The following NFATC1 variants were observed in gnomAD, a reference collection of about 807,000 sequenced individuals.
NFATC1 encodes the protein nuclear factor of activated T cells 1, also known as nuclear factor of activated T-cells, cytoplasmic 1.
A neutral mutation model predicts 76.0 loss-of-function variants in NFATC1; 22 were observed. The observed-to-expected ratio is 0.29, with a 90% CI of 0.21 to 0.41. The LOEUF is 0.41. Among genes scored for constraint, NFATC1 ranks in the 10% least tolerant of loss-of-function variants. The pLI is 1.00. For missense variants in NFATC1, 1,357 were observed against 1,337.7 expected, an observed-to-expected ratio of 1.01 and a Z score of -0.23; for synonymous variants, 704 against 613.1, an observed-to-expected ratio of 1.15 and a Z score of -2.19.
At chr18:79,460,749 G>A (rs1328010017) in intron 6 of NFATC1, among the ~76,000 whole-genome samples, 1 of 152,118 alleles carries the variant, frequency 6.6e-6, no homozygotes, top group African/African-American at 2.4e-5. Flanking sequence ...ACCCCAGCAC[G>A]AGCAGGCGTC....
intron 2 of NFATC1, among the ~76,000 whole-genome samples, chr18:79,415,572 G>A (rs1392036866): frequency 1.3e-5 from 2 of 151,800 alleles, no homozygotes; most frequent in South Asian, 4.2e-4. Context: ...ATGAGCCACC[G>A]CGCCCAGCCC....
chr18:79,502,148 A>G (rs551008112), intron 9 of NFATC1, among the ~76,000 whole-genome samples: 4 of 152,370 alleles, frequency 2.6e-5, no homozygotes, highest in Non-Finnish European at 5.9e-5. Context: ...TGGTATTGGC[A>G]TAGGACACAT....
At chr18:79,482,315 T>C (rs2089307326) in intron 8 of NFATC1, among the ~76,000 whole-genome samples, 1 of 139,520 alleles carries the variant, frequency 7.2e-6, no homozygotes, top group Admixed American at 7.3e-5. Flanking sequence ...CAGCGTGACC[T>C]GGTTCCTGGG....
At chr18:79,504,246 A>G (rs2090076194) in intron 9 of NFATC1, among the ~76,000 whole-genome samples, 1 of 150,708 alleles carries the variant, frequency 6.6e-6, no homozygotes, top group Non-Finnish European at 1.5e-5. Flanking sequence ...GGTGTTCCTC[A>G]CCAAATTTAA....
chr18:79,484,120 CG>C (rs1409394907), intron 8 of NFATC1, among the ~76,000 whole-genome samples: 3 of 151,888 alleles, frequency 2.0e-5, no homozygotes, highest in Non-Finnish European at 4.4e-5. Context: ...GCTGACGAGG[CG>C]GGGGGAGCAC....
At chr18:79,500,080 A>G (rs756590066) in intron 9 of NFATC1, among the ~76,000 whole-genome samples, 2 of 152,180 alleles carry the variant, frequency 1.3e-5, no homozygotes, top group Non-Finnish European at 2.9e-5. Context: ...CAGAAAATCA[A>G]AAGGATATAA....
intron 9 of NFATC1, among the ~76,000 whole-genome samples, chr18:79,503,221 C>T (rs1307739263): frequency 3.3e-5 from 5 of 152,208 alleles, no homozygotes; most frequent in African/African-American, 1.2e-4. Context: ...AGACCACAGA[C>T]TCAGTGGCTC....
intron 9 of NFATC1, among the ~76,000 whole-genome samples, chr18:79,511,177 A>T (rs1172943542): frequency 6.6e-6 from 1 of 152,200 alleles, no homozygotes; most frequent in African/African-American, 2.4e-5. Context: ...TGAATTGCTC[A>T]TTATGTGCAG....
At chr18:79,478,755 G>A (rs983889756) in intron 8 of NFATC1, among the ~76,000 whole-genome samples, 1 of 152,192 alleles carries the variant, frequency 6.6e-6, no homozygotes, top group Non-Finnish European at 1.5e-5. Context: ...CACCTGGGGC[G>A]GAAGCCCCCC....
chr18:79,440,472 C>T (rs1260791068), intron 3 of NFATC1, among the ~76,000 whole-genome samples: 1 of 152,258 alleles, frequency 6.6e-6, no homozygotes, highest in African/African-American at 2.4e-5. Context: ...GGCGCCCTGG[C>T]AGCTCTCATG....
At chr18:79,438,299 C>T (rs2086852385) in intron 3 of NFATC1, among the ~76,000 whole-genome samples, 1 of 152,254 alleles carries the variant, frequency 6.6e-6, no homozygotes, top group Non-Finnish European at 1.5e-5. Context: ...TCCTCCACTG[C>T]TCGTGGCAGC....
At chr18:79,400,593 C>A in intron 1 of NFATC1, 1 of 996,010 alleles carries the variant, frequency 1.0e-6, no homozygotes, top group Non-Finnish European at 1.3e-6. Flanking sequence ...CCCCGGCGCG[C>A]CCGGGACCGA....
chr18:79,409,035 T>C (rs1428096160), intron 1 of NFATC1, among the ~76,000 whole-genome samples: 1 of 48,304 alleles, frequency 2.1e-5, no homozygotes, highest in African/African-American at 4.2e-5. Context: ...CATCCATCCA[T>C]CATCATCCAT....
intron 1 of NFATC1, among the ~76,000 whole-genome samples, chr18:79,397,605 TTA>T (rs1321667656): frequency 6.6e-6 from 1 of 152,236 alleles, no homozygotes; most frequent in Non-Finnish European, 1.5e-5. Context: ...TGTCAGTGTT[TTA>T]CACAATGTGC....
intron 1 of NFATC1, among the ~76,000 whole-genome samples, chr18:79,406,509 G>T (rs2085443843): frequency 6.6e-6 from 1 of 152,206 alleles, no homozygotes; most frequent in African/African-American, 2.4e-5. Context: ...TTGATGACTG[G>T]TGTGAGATGG....
intron 1 of NFATC1, among the ~76,000 whole-genome samples, chr18:79,400,950 ACCCT>A (rs1297247401): frequency 8.7e-5 from 2 of 22,898 alleles, no homozygotes; most frequent in African/African-American, 2.7e-4. Context: ...CCCCACAGTC[ACCCT>A]CCCTCCCCGC....
chr18:79,488,463 C>T (rs1012791542), intron 9 of NFATC1, among the ~76,000 whole-genome samples: 3 of 152,154 alleles, frequency 2.0e-5, no homozygotes, highest in Non-Finnish European at 4.4e-5. Context: ...ACTGGAGGCC[C>T]GTGGCTGCCC....
rs180814795 is a variant in NFATC1, at chr18:79,441,235, A to C, written c.1386+7497A>C. Among the ~76,000 whole-genome samples the C allele has an allele frequency of 1.2e-3, 179 of 152,256 alleles. 2 individuals are homozygous for C. Among genetic ancestry groups the C allele is most frequent in the South Asian group, 4.6e-3 (22 of 4,830 alleles). On this transcript the variant is annotated intron_variant, in intron 3 of 9. Transcript: ENST00000427363. ...TGGCGCTGCAGGGTGCGGGCCCTGA[A>C]GGAGGGGCAGGGGTGCTGCTGGATG...
At chr18:79,439,495 A>C (rs1424891283) in intron 3 of NFATC1, among the ~76,000 whole-genome samples, 1 of 152,234 alleles carries the variant, frequency 6.6e-6, no homozygotes, top group Non-Finnish European at 1.5e-5. Flanking sequence ...ATTTTTTATG[A>C]GTCTGCCTTG....
Sources: allele counts gnomAD v4.1 joint callset (sites outside exome capture counted in the v4.1 genomes callset), GRCh38; gene constraint gnomAD v4.1.1; transcripts MANE v1.5; gene names NCBI Gene and HGNC (gene_info 2026-07-23, HGNC 2026-07-21).